CTNNA1: variants seen among roughly 807,000 people sequenced by gnomAD.
The protein encoded by CTNNA1 is catenin alpha 1, also known as catenin alpha-1.
CTNNA1 carries 37 observed loss-of-function variants against 98.4 expected under a neutral mutation model. The ratio of observed to expected loss-of-function variants is 0.38; its 90% CI spans 0.29 to 0.49. The LOEUF (loss-of-function observed/expected upper bound fraction) is 0.49, where lower values mean the gene tolerates loss of function less well. Among genes scored for constraint, CTNNA1 ranks in the 20% least tolerant of loss-of-function variants. CTNNA1 has a pLI of 0.95. For synonymous variants in CTNNA1, 404 were observed against 413.2 expected (o/e 0.98, Z 0.27); for missense variants, 761 against 1,147.2 (o/e 0.66, Z 4.86).
intron 7 of CTNNA1, among the ~76,000 whole-genome samples, chr5:138,844,201 G>C (rs1301115038): frequency 1.3e-5 from 2 of 151,136 alleles, no homozygotes; most frequent in Non-Finnish European, 2.9e-5. Flanking sequence ...TTGCTGTGTT[G>C]CTCAGGCTGG....
At chr5:138,843,748 G>A (rs1209180571) in intron 7 of CTNNA1, among the ~76,000 whole-genome samples, 1 of 152,222 alleles carries the variant, frequency 6.6e-6, no homozygotes, top group Non-Finnish European at 1.5e-5. Flanking sequence ...GAATGGGATA[G>A]CCAGCTAAGA....
At chr5:138,777,912 A>T (rs1186946285) in intron 1 of CTNNA1, among the ~76,000 whole-genome samples, 1 of 59,552 alleles carries the variant, frequency 1.7e-5, no homozygotes, top group Non-Finnish European at 3.0e-5. Context: ...GAGAGGAGGG[A>T]GAGGGGGAGG....
intron 7 of CTNNA1, chr5:138,875,524 A>G: frequency 1.4e-5 from 14 of 985,524 alleles, no homozygotes; most frequent in Non-Finnish European, 1.7e-5. Context: ...ACTTAAAAAC[A>G]TGATATTCCT....
At chr5:138,838,758 A>G (rs1762020472) in intron 7 of CTNNA1, among the ~76,000 whole-genome samples, 2 of 151,966 alleles carry the variant, frequency 1.3e-5, no homozygotes, top group South Asian at 2.1e-4. Flanking sequence ...GATACGTTGT[A>G]TTTTCATTTT....
chr5:138,868,845 A>G lies in CTNNA1; in HGVS notation c.1063-17367A>G, dbSNP rs187953954. ...AAACAACTGTTCATTTAAGATTTCT[A>G]TGTCTGTCACAAATGGCTTTTCAAG... is the stretch of plus-strand genomic sequence containing the variant. On this transcript the variant is annotated intron_variant, in intron 7 of 17. Coordinates refer to ENST00000302763, the MANE Select transcript of CTNNA1 (RefSeq NM_001903.5). The G allele has an allele frequency of 7.9e-5, 12 of 152,268 alleles. No homozygotes were observed. The East Asian group carries it at 2.1e-3, about 27-fold the overall frequency. 9.4% of individuals were successfully genotyped at this position (152,268 alleles called of 1,614,324 possible).
chr5:138,921,393 A>C (rs1762885454), intron 11 of CTNNA1, among the ~76,000 whole-genome samples: 1 of 152,224 alleles, frequency 6.6e-6, no homozygotes, highest in Non-Finnish European at 1.5e-5. Flanking sequence ...ATATGCATTA[A>C]ATGCTTTGGA....
chr5:138,769,354 TTTTA>T (rs2149600286), intron 1 of CTNNA1, among the ~76,000 whole-genome samples: 1 of 151,576 alleles, frequency 6.6e-6, no homozygotes, highest in Non-Finnish European at 1.5e-5. Context: ...GTTTTTAAAT[TTTTA>T]TTTTTATTTA....
At chr5:138,759,016 T>C (rs530522492) in intron 1 of CTNNA1, among the ~76,000 whole-genome samples, 1 of 152,338 alleles carries the variant, frequency 6.6e-6, no homozygotes, top group East Asian at 1.9e-4. Context: ...TTGGTCAGGC[T>C]GGTCTTGAAC....
chr5:138,776,039 C>CTTT lies in CTNNA1; in HGVS notation c.-2-5862_-2-5860dup, dbSNP rs57467422. ...CCATGCCCGGCCTCTGGAAATGTTT[C>CTTT]TTTTTTTTTTTTTTTTTTTTTTTTA... On this transcript the variant is annotated intron_variant, in intron 1 of 17. Transcript: ENST00000302763. Among the ~76,000 whole-genome samples, 184 of 83,868 alleles carry CTTT rather than the reference C, an allele frequency of 2.2e-3. 5 individuals are homozygous for CTTT. Among genetic ancestry groups the CTTT allele is most frequent in the African/African-American group, 6.2e-3 (127 of 20,514 alleles). 55.0% of individuals were successfully genotyped at this position (83,868 alleles called of 152,430 possible).
chr5:138,800,461 T>A (rs1278013312), intron 3 of CTNNA1, among the ~76,000 whole-genome samples: 1 of 152,108 alleles, frequency 6.6e-6, no homozygotes, highest in Non-Finnish European at 1.5e-5. Context: ...GGGAAGCAGC[T>A]TCTGCTGACC....
intron 1 of CTNNA1, among the ~76,000 whole-genome samples, chr5:138,757,625 G>A (rs74884026): frequency 0.023 from 3,485 of 152,220 alleles, 137 homozygotes; most frequent in African/African-American, 0.081. Flanking sequence ...TTTTAGCACT[G>A]GGTGGTGCAT....
chr5:138,862,349 T>C (rs1475095061), intron 7 of CTNNA1, among the ~76,000 whole-genome samples: 1 of 152,206 alleles, frequency 6.6e-6, no homozygotes. Flanking sequence ...TTAAAGTACA[T>C]TTTTTTCTAA....
chr5:138,887,916 G>T (rs1754443192), intron 9 of CTNNA1, among the ~76,000 whole-genome samples: 1 of 152,074 alleles, frequency 6.6e-6, no homozygotes, highest in Admixed American at 6.6e-5. Flanking sequence ...GACATGACTA[G>T]ACTCAAAAGA....
rs529693210 is a variant in CTNNA1 at position 138,861,285 on chromosome 5, T to C, written c.1063-24927T>C. Among the ~76,000 whole-genome samples, 15 of 152,266 alleles carry C rather than the reference T, an allele frequency of 9.9e-5. No homozygotes were observed. The South Asian group carries it at 3.1e-3, about 32-fold the overall frequency. On this transcript the variant is annotated intron_variant, in intron 7 of 17. Transcript: ENST00000302763. The stretch of plus-strand genomic sequence containing the variant: ...ATTTGCCCACTTCAGCCTCCCGAAG[T>C]GCTGGGATTACAGACGTCCACCAAC...
At chr5:138,780,963 A>T (rs1755028224) in intron 1 of CTNNA1, among the ~76,000 whole-genome samples, 1 of 152,000 alleles carries the variant, frequency 6.6e-6, no homozygotes, top group South Asian at 2.1e-4. Context: ...ATTTTCGTTG[A>T]TGTTTTCTCC....
chr5:138,817,613 T>C (rs1759564857), intron 5 of CTNNA1, among the ~76,000 whole-genome samples: 1 of 152,196 alleles, frequency 6.6e-6, no homozygotes, highest in Non-Finnish European at 1.5e-5. Context: ...TTTCATTGTT[T>C]TTTGTTTGTT....
intron 7 of CTNNA1, chr5:138,870,666 AC>A (rs1234900428): frequency 1.3e-5 from 2 of 151,876 alleles, no homozygotes; most frequent in African/African-American, 4.8e-5. Context: ...GATGGAAAAT[AC>A]TCCTCTGCTG....
chr5:138,806,789 A>G (rs1758126036), intron 3 of CTNNA1, among the ~76,000 whole-genome samples: 3 of 151,958 alleles, frequency 2.0e-5, no homozygotes. Context: ...TACAAGCCTT[A>G]TTGTATACCT....
chr5:138,793,341 A>G (rs1756578084), intron 3 of CTNNA1, among the ~76,000 whole-genome samples: 1 of 152,038 alleles, frequency 6.6e-6, no homozygotes, highest in Non-Finnish European at 1.5e-5. Context: ...CTGGATCACT[A>G]CCCTTGTGTG....
Sources: gnomAD v4.1 joint callset for allele counts (sites outside exome capture counted in the v4.1 genomes callset) on GRCh38, gnomAD v4.1.1 for gene constraint, MANE v1.5 for transcripts, NCBI Gene and HGNC (gene_info 2026-07-23, HGNC 2026-07-21) for gene names.